Variants in ASIC2 observed in about 807,000 individuals in gnomAD.
The protein encoded by ASIC2 is acid sensing ion channel subunit 2, also known as acid-sensing ion channel 2.
Under a neutral mutation model 57.3 loss-of-function variants are expected in ASIC2, and 25 were observed. The observed-to-expected ratio is 0.44, with a 90% confidence interval of 0.32 to 0.61. The LOEUF is 0.61. Among genes scored for constraint, ASIC2 ranks in the 20% least tolerant of loss-of-function variants. The pLI, the probability that ASIC2 is intolerant of heterozygous loss-of-function variation, is 0.06. For synonymous variants in ASIC2, 319 were observed against 307.5 expected (o/e 1.04, Z -0.39); for missense variants, 641 against 738.1 (o/e 0.87, Z 1.52).
chr17:33,199,888 C>T (rs550623050), intron 1 of ASIC2, among the ~76,000 whole-genome samples: 3 of 152,192 alleles, frequency 2.0e-5, no homozygotes, highest in Non-Finnish European at 2.9e-5. Context: ...GGACAAAATC[C>T]ACACAAGCCA....
chr17:33,759,884 G>A (rs1332241493), intron 1 of ASIC2, among the ~76,000 whole-genome samples: 3 of 152,160 alleles, frequency 2.0e-5, no homozygotes, highest in African/African-American at 7.2e-5. Context: ...TGGTGACCCA[G>A]GCAGAGACTT....
At chr17:33,454,185 C>G (rs1299574607) in intron 1 of ASIC2, among the ~76,000 whole-genome samples, 1 of 152,226 alleles carries the variant, frequency 6.6e-6, no homozygotes, top group African/African-American at 2.4e-5. Flanking sequence ...ACCAACACAG[C>G]CATCCAGTCT....
At chr17:33,086,278 T>A (rs997881201) in intron 3 of ASIC2, among the ~76,000 whole-genome samples, 1 of 152,116 alleles carries the variant, frequency 6.6e-6, no homozygotes, top group African/African-American at 2.4e-5. Flanking sequence ...TGGGGAGAAG[T>A]TACACACTGG....
intron 1 of ASIC2, among the ~76,000 whole-genome samples, chr17:33,945,465 G>A (rs1429092798): frequency 1.3e-5 from 2 of 152,208 alleles, no homozygotes; most frequent in Non-Finnish European, 2.9e-5. Flanking sequence ...GGTACTAGAC[G>A]ACAAATACAA....
At chr17:33,450,043 C>T (rs1243071740) in intron 1 of ASIC2, among the ~76,000 whole-genome samples, 1 of 152,218 alleles carries the variant, frequency 6.6e-6, no homozygotes, top group Non-Finnish European at 1.5e-5. Context: ...GCTGGGATTA[C>T]AGGCGTGATC....
At chr17:33,499,063 G>GT (rs1480583493) in intron 1 of ASIC2, among the ~76,000 whole-genome samples, 1 of 152,180 alleles carries the variant, frequency 6.6e-6, no homozygotes, top group East Asian at 1.9e-4. Flanking sequence ...GTGAAAATAG[G>GT]TAGTGGGCAT....
chr17:33,511,011 C>G (rs1239786068), intron 1 of ASIC2, among the ~76,000 whole-genome samples: 1 of 152,212 alleles, frequency 6.6e-6, no homozygotes, highest in African/African-American at 2.4e-5. Context: ...GCAATTATTA[C>G]AGATTTTCAC....
intron 1 of ASIC2, among the ~76,000 whole-genome samples, chr17:33,878,624 T>A (rs1210591189): frequency 1.3e-5 from 2 of 152,292 alleles, no homozygotes; most frequent in African/African-American, 4.8e-5. Flanking sequence ...ACCAAATCTA[T>A]GTCTGACTGG....
intron 1 of ASIC2, among the ~76,000 whole-genome samples, chr17:33,577,785 G>A (rs1359104190): frequency 6.6e-6 from 1 of 152,014 alleles, no homozygotes; most frequent in African/African-American, 2.4e-5. Context: ...TGTTCCACCC[G>A]GCCTGCCCCC....
intron 1 of ASIC2, among the ~76,000 whole-genome samples, chr17:33,665,594 T>C (rs111560236): frequency 6.6e-6 from 1 of 152,218 alleles, no homozygotes; most frequent in East Asian, 1.9e-4. Context: ...GATTCAGACA[T>C]TGCAGTTAGA....
At chr17:33,417,477 T>C (rs1910888276) in intron 1 of ASIC2, among the ~76,000 whole-genome samples, 1 of 152,218 alleles carries the variant, frequency 6.6e-6, no homozygotes, top group Admixed American at 6.5e-5. Context: ...AATACATTCA[T>C]TGCTCTTCTC....
chr17:33,124,141 T>C (rs2092314080), intron 1 of ASIC2, among the ~76,000 whole-genome samples: 1 of 152,234 alleles, frequency 6.6e-6, no homozygotes, highest in South Asian at 2.1e-4. Flanking sequence ...GTTCATGTTT[T>C]CTTATTAAAG....
intron 1 of ASIC2, among the ~76,000 whole-genome samples, chr17:33,737,672 T>G (rs1909961727): frequency 6.9e-6 from 1 of 143,886 alleles, no homozygotes; most frequent in African/African-American, 2.5e-5. Context: ...TAACAGTACA[T>G]GGAATTTAGT....
intron 1 of ASIC2, among the ~76,000 whole-genome samples, chr17:33,690,848 C>G (rs1425304414): frequency 7.0e-6 from 1 of 143,672 alleles, no homozygotes; most frequent in Non-Finnish European, 1.5e-5. Context: ...CTCCCAGATT[C>G]ACGCCATTCT....
intron 3 of ASIC2, among the ~76,000 whole-genome samples, chr17:33,045,641 G>C (rs996910646): frequency 1.3e-5 from 2 of 151,508 alleles, no homozygotes; most frequent in Admixed American, 6.6e-5. Flanking sequence ...CCAGGGTCAT[G>C]GCGGGGGCCA....
intron 3 of ASIC2, among the ~76,000 whole-genome samples, chr17:33,072,143 G>A (rs1009304526): frequency 6.6e-6 from 1 of 152,134 alleles, no homozygotes; most frequent in Non-Finnish European, 1.5e-5. Context: ...GACTCAGGGA[G>A]TCACTGGGCT....
intron 1 of ASIC2, among the ~76,000 whole-genome samples, chr17:33,740,284 G>A (rs1418222620): frequency 6.6e-6 from 1 of 152,250 alleles, no homozygotes; most frequent in Non-Finnish European, 1.5e-5. Context: ...ATAAAGGACT[G>A]CCAGAAACTG....
intron 1 of ASIC2, among the ~76,000 whole-genome samples, chr17:33,950,987 A>G (rs1034151388): frequency 4.6e-5 from 7 of 152,132 alleles, no homozygotes; most frequent in African/African-American, 1.4e-4. Context: ...GGCCTGATCT[A>G]TTCATTGGGA....
intron 1 of ASIC2, among the ~76,000 whole-genome samples, chr17:34,130,793 C>T (rs1374996647): frequency 6.6e-6 from 1 of 152,208 alleles, no homozygotes; most frequent in Non-Finnish European, 1.5e-5. Flanking sequence ...AGAGCAGATG[C>T]TCAACAAATG....
Sources: gnomAD v4.1 joint callset for allele counts (sites outside exome capture counted in the v4.1 genomes callset) on GRCh38, gnomAD v4.1.1 for gene constraint, MANE v1.5 for transcripts, NCBI Gene and HGNC (gene_info 2026-07-23, HGNC 2026-07-21) for gene names.